The following RIC3 variants were observed in gnomAD, a reference collection of about 807,000 sequenced individuals.
RIC3 encodes protein RIC-3.
In RIC3, 28 loss-of-function variants were observed where a neutral mutation model predicts 27.3. The ratio of observed to expected loss-of-function variants is 1.02; its 90% CI spans 0.76 to 1.41. RIC3 has a LOEUF of 1.41. Among genes scored for constraint, RIC3 ranks in the 40% most tolerant of loss-of-function variants. The pLI, the probability that RIC3 is intolerant of heterozygous loss-of-function variation, is 0.00. For missense variants in RIC3, 501 were observed against 444.7 expected, an observed-to-expected ratio of 1.13 and a Z score of -1.14; for synonymous variants, 184 against 160.4, an observed-to-expected ratio of 1.15 and a Z score of -1.11.
the RIC3 span, chr11:8,096,787 C>G: frequency 3.1e-6 from 5 of 1,614,186 alleles, 1 homozygote; most frequent in South Asian, 4.4e-5. Context: ...AGCTCTGCTA[C>G]TAGCAGGAAG....
chr11:8,100,613 C>A, the RIC3 span: 7 of 1,608,698 alleles, frequency 4.4e-6, no homozygotes, highest in African/African-American at 1.3e-5. Flanking sequence ...TGAGTGTCTA[C>A]CCCTTCCTCC....
chr11:8,167,137 C>T (rs1392029734), intron 1 of RIC3, among the ~76,000 whole-genome samples: 1 of 152,012 alleles, frequency 6.6e-6, no homozygotes, highest in African/African-American at 2.4e-5. Flanking sequence ...GTATTGGTAG[C>T]TTAATAATCT....
At chr11:8,101,739 C>T (rs1218093426), downstream of RIC3, 1 of 1,451,482 alleles carries the variant, frequency 6.9e-7, no homozygotes. Flanking sequence ...CTTTGGCCCT[C>T]AGTGGGCTCC....
At chr11:8,111,287 G>T in intron 5 of RIC3, 150 bp from the exon 6 acceptor site, 1 of 640,208 alleles carries the variant, frequency 1.6e-6, no homozygotes, top group Non-Finnish European at 2.6e-6. Context: ...TAGTTCTAAA[G>T]TTTTACTTGA....
chr11:8,094,514 C>T, the RIC3 span, among the ~76,000 whole-genome samples: 673 of 152,352 alleles, frequency 4.4e-3, 6 homozygotes, highest in African/African-American at 0.015. Context: ...GGATCTCACC[C>T]AGCCTGGACT....
intron 1 of RIC3, among the ~76,000 whole-genome samples, chr11:8,140,474 A>C (rs1948926800): frequency 6.6e-6 from 1 of 152,200 alleles, no homozygotes; most frequent in Non-Finnish European, 1.5e-5. Flanking sequence ...ACTGAGTTCC[A>C]ACCAAGGAAT....
At chr11:8,127,105 T>C (rs1321460366) in intron 4 of RIC3, among the ~76,000 whole-genome samples, 1 of 152,154 alleles carries the variant, frequency 6.6e-6, no homozygotes, top group Non-Finnish European at 1.5e-5. Flanking sequence ...AGTTCAGTGT[T>C]TTTTCAGGGT....
At chr11:8,111,566 G>C (rs1945267686) in intron 5 of RIC3, among the ~76,000 whole-genome samples, 1 of 152,192 alleles carries the variant, frequency 6.6e-6, no homozygotes, top group African/African-American at 2.4e-5. Context: ...GGAGTGGGGA[G>C]AGGAAAGGAA....
chr11:8,166,479 C>T (rs1169535219), intron 1 of RIC3, among the ~76,000 whole-genome samples: 1 of 152,116 alleles, frequency 6.6e-6, no homozygotes, highest in East Asian at 1.9e-4. Context: ...AGGGTTATTC[C>T]TTTCTTCAAA....
chr11:8,106,031 A>C (rs1026253330), downstream of RIC3: 2 of 151,716 alleles, frequency 1.3e-5, no homozygotes, highest in African/African-American at 4.8e-5. Flanking sequence ...ATTTTTGTTC[A>C]AGATTATCTG....
intron 5 of RIC3, among the ~76,000 whole-genome samples, chr11:8,125,346 A>G (rs1172749535): frequency 1.3e-5 from 2 of 152,202 alleles, no homozygotes; most frequent in African/African-American, 4.8e-5. Context: ...GATGCTGTTA[A>G]GAAAATATAA....
intron 5 of RIC3, among the ~76,000 whole-genome samples, chr11:8,119,164 G>C (rs1946186753): frequency 1.3e-5 from 2 of 152,156 alleles, no homozygotes; most frequent in Admixed American, 1.3e-4. Context: ...AGATGGGAAG[G>C]ACTCGCTAAA....
intron 3 of RIC3, among the ~76,000 whole-genome samples, chr11:8,137,758 T>G (rs59207252): frequency 1.3e-5 from 2 of 152,214 alleles, no homozygotes; most frequent in African/African-American, 2.4e-5. Flanking sequence ...AGTCTCTTAC[T>G]TGCGGGTGGT....
At chr11:8,105,144 A>G (rs1259929321), downstream of RIC3, 2 of 152,162 alleles carry the variant, frequency 1.3e-5, no homozygotes, top group Admixed American at 1.3e-4. Flanking sequence ...CATCTCCTAG[A>G]TGGACTTCCT....
chr11:8,102,497 T>TG (rs1944349435), downstream of RIC3: 1 of 152,186 alleles, frequency 6.6e-6, no homozygotes, highest in African/African-American at 2.4e-5. Flanking sequence ...GAAACACAAA[T>TG]GGGGTCCAGG....
Position 8,110,618 on chromosome 11 carries a change from G to A in RIC3, c.*80C>T. 1 of 1,261,384 alleles carries A rather than the reference G, an allele frequency of 7.9e-7. No individual in the cohort carries two copies. Among genetic ancestry groups the A allele is most frequent in the Non-Finnish European group, 1.2e-6 (1 of 864,158 alleles). The allele number at this position is 1,261,384 out of a possible 1,614,324, so 78.1% of individuals were successfully genotyped here. ...CTTGAACACAGTGAAGAAAGTGCAG[G>A]GCACAGGGCCAAGAAGGAAATCTGA... On this transcript the variant is annotated 3_prime_UTR_variant, in exon 6 of 6. Transcript: ENST00000309737.
chr11:8,155,250 G>C (rs1950567916), intron 1 of RIC3, among the ~76,000 whole-genome samples: 1 of 148,756 alleles, frequency 6.7e-6, no homozygotes, highest in Non-Finnish European at 1.5e-5. Flanking sequence ...ATTCACTTAA[G>C]TTATCATTTA....
the RIC3 span, among the ~76,000 whole-genome samples, chr11:8,097,986 A>G: frequency 3.4e-3 from 515 of 152,278 alleles, 2 homozygotes; most frequent in African/African-American, 0.011. Flanking sequence ...GCCTATGTCT[A>G]TGCCAGCCTA....
intron 1 of RIC3, among the ~76,000 whole-genome samples, chr11:8,141,003 G>A (rs1170146688): frequency 6.8e-6 from 1 of 147,836 alleles, no homozygotes; most frequent in Non-Finnish European, 1.5e-5. Context: ...TCACCACCAG[G>A]CCTGCCCTAA....
Sources: allele counts gnomAD v4.1 joint callset (sites outside exome capture counted in the v4.1 genomes callset), GRCh38; gene constraint gnomAD v4.1.1; transcripts MANE v1.5; gene names NCBI Gene and HGNC (gene_info 2026-07-23, HGNC 2026-07-21).